TAFA2: variants seen among roughly 807,000 people sequenced by gnomAD.
TAFA2 encodes the protein TAFA chemokine like family member 2, also known as chemokine-like protein TAFA-2.
Under a neutral mutation model 18.8 loss-of-function variants are expected in TAFA2, and 7 were observed. The ratio of observed to expected loss-of-function variants is 0.37; its 90% CI spans 0.21 to 0.70. The LOEUF is 0.70. TAFA2 is among the 30% of genes least tolerant of loss of function. The pLI is 0.53. For synonymous variants in TAFA2, 60 were observed against 54.2 expected, an observed-to-expected ratio of 1.11 and a Z score of -0.47; for missense variants, 122 against 158.1, an observed-to-expected ratio of 0.77 and a Z score of 1.23.
intron 2 of TAFA2, among the ~76,000 whole-genome samples, chr12:61,802,034 G>C (rs1434034409): frequency 6.6e-6 from 1 of 152,076 alleles, no homozygotes; most frequent in Non-Finnish European, 1.5e-5. Context: ...TTAATCATCA[G>C]AGAAATGCAA....
chr12:62,118,899 C>G (rs1022219587), intron 1 of TAFA2, among the ~76,000 whole-genome samples: 1 of 152,224 alleles, frequency 6.6e-6, no homozygotes, highest in East Asian at 1.9e-4. Flanking sequence ...GTACTTCTCA[C>G]TTTAAGACAT....
intron 1 of TAFA2, among the ~76,000 whole-genome samples, chr12:61,947,299 G>T (rs1180436076): frequency 1.4e-5 from 2 of 143,356 alleles, no homozygotes; most frequent in African/African-American, 2.6e-5. Flanking sequence ...ACACTCTGGG[G>T]ACTGTGGTGG....
intron 4 of TAFA2, among the ~76,000 whole-genome samples, chr12:61,721,535 T>C (rs1869896870): frequency 6.6e-6 from 1 of 152,194 alleles, no homozygotes; most frequent in African/African-American, 2.4e-5. Context: ...GCGGCATTCA[T>C]TTTTCAAGCC....
chr12:61,873,505 A>C (rs986316751), intron 1 of TAFA2, among the ~76,000 whole-genome samples: 36 of 152,146 alleles, frequency 2.4e-4, no homozygotes, highest in African/African-American at 8.2e-4. Context: ...TACCAAAGTG[A>C]GCGTAGATTA....
chr12:61,859,547 G>A (rs1488186172), intron 2 of TAFA2, among the ~76,000 whole-genome samples: 1 of 152,176 alleles, frequency 6.6e-6, no homozygotes, highest in Non-Finnish European at 1.5e-5. Flanking sequence ...GGGCTCAAGC[G>A]ATTCTTCTGC....
chr12:62,078,638 A>G (rs550557742), intron 1 of TAFA2, among the ~76,000 whole-genome samples: 5 of 152,322 alleles, frequency 3.3e-5, no homozygotes, highest in African/African-American at 9.6e-5. Flanking sequence ...GTGCCTACAC[A>G]TCACTCCTTT....
Position 62,046,029 on chromosome 12 carries a change from A to AG in TAFA2, c.-2+145229dup, listed in dbSNP as rs1293851706. The stretch of plus-strand genomic sequence containing the variant: ...AAGATGAATGGTGAAATCGGAAAGG[A>AG]GGAAAACTAGCTAGAGAAATAAGAG... On this transcript the variant is annotated intron_variant, in intron 1 of 4. Coordinates refer to ENST00000416284, the MANE Select transcript of TAFA2 (RefSeq NM_178539.5). Among the ~76,000 whole-genome samples, 4 of 152,302 alleles carry AG rather than the reference A, an allele frequency of 2.6e-5. No homozygotes were observed. In the East Asian group the frequency reaches 7.7e-4, roughly 29 times the overall value.
chr12:61,967,922 A>C (rs1879122435), intron 1 of TAFA2, among the ~76,000 whole-genome samples: 1 of 151,878 alleles, frequency 6.6e-6, no homozygotes, highest in African/African-American at 2.4e-5. Flanking sequence ...GCAGGTCTGC[A>C]GTCCCATATT....
At chr12:61,955,637 A>ATT (rs1258320350) in intron 1 of TAFA2, among the ~76,000 whole-genome samples, 6 of 14,170 alleles carry the variant, frequency 4.2e-4, no homozygotes, top group Non-Finnish European at 1.2e-3. Context: ...AAAAAAATAT[A>ATT]TATATATATA....
At chr12:61,856,669 A>G (rs1447378307) in intron 2 of TAFA2, among the ~76,000 whole-genome samples, 1 of 151,988 alleles carries the variant, frequency 6.6e-6, no homozygotes, top group African/African-American at 2.4e-5. Flanking sequence ...TACTTTCTAA[A>G]TATCCTGAGT....
At chr12:62,208,341 G>C (rs1185503205) in intron 1 of TAFA2, among the ~76,000 whole-genome samples, 1 of 152,068 alleles carries the variant, frequency 6.6e-6, no homozygotes, top group Non-Finnish European at 1.5e-5. Flanking sequence ...AAAAAAAGCT[G>C]TTTCTTAATT....
chr12:61,779,982 G>A (rs1480695470), intron 2 of TAFA2, among the ~76,000 whole-genome samples: 2 of 151,788 alleles, frequency 1.3e-5, no homozygotes, highest in African/African-American at 2.4e-5. Context: ...TTTCTAACCA[G>A]AAGTGTAAGT....
chr12:61,965,938 GA>G (rs1172675265), intron 1 of TAFA2, among the ~76,000 whole-genome samples: 4 of 150,982 alleles, frequency 2.6e-5, no homozygotes, highest in African/African-American at 7.3e-5. Flanking sequence ...AGAAATTTCT[GA>G]AAAAAAAATT....
intron 1 of TAFA2, among the ~76,000 whole-genome samples, chr12:62,220,792 A>C (rs2062757162): frequency 6.6e-6 from 1 of 152,106 alleles, no homozygotes; most frequent in African/African-American, 2.4e-5. Context: ...GAAAAGAACA[A>C]AGGAAGGAAG....
chr12:62,046,390 C>T (rs1373458590), intron 1 of TAFA2, among the ~76,000 whole-genome samples: 1 of 151,214 alleles, frequency 6.6e-6, no homozygotes, highest in East Asian at 1.9e-4. Flanking sequence ...ACCGACTATA[C>T]AAAAAGATAT....
At chr12:61,987,542 A>T (rs1879860416) in intron 1 of TAFA2, among the ~76,000 whole-genome samples, 1 of 152,360 alleles carries the variant, frequency 6.6e-6, no homozygotes, top group African/African-American at 2.4e-5. Flanking sequence ...CCATGGAAAT[A>T]TTATTCCCTG....
intron 1 of TAFA2, among the ~76,000 whole-genome samples, chr12:62,178,902 T>A (rs1475670482): frequency 1.3e-5 from 2 of 152,206 alleles, no homozygotes; most frequent in Non-Finnish European, 2.9e-5. Context: ...GAGACACTTG[T>A]AGAGAATCAG....
At chr12:61,927,029 C>G (rs146912585) in intron 1 of TAFA2, among the ~76,000 whole-genome samples, 5,722 of 138,128 alleles carry the variant, frequency 0.041, 387 homozygotes, top group African/African-American at 0.14. Context: ...AAGCCGAGAT[C>G]GCACCACTAT....
chr12:61,868,222 G>A (rs897258346), intron 1 of TAFA2, among the ~76,000 whole-genome samples: 1 of 152,146 alleles, frequency 6.6e-6, no homozygotes, highest in Admixed American at 6.5e-5. Context: ...AATTTGGCCT[G>A]TAGGTATATC....
Sources: gnomAD v4.1 joint callset for allele counts (sites outside exome capture counted in the v4.1 genomes callset) on GRCh38, gnomAD v4.1.1 for gene constraint, MANE v1.5 for transcripts, NCBI Gene and HGNC (gene_info 2026-07-23, HGNC 2026-07-21) for gene names.